NRG1: variants seen among roughly 807,000 people sequenced by gnomAD.
NRG1 encodes the protein neuregulin 1.
Under a neutral mutation model 63.8 loss-of-function variants are expected in NRG1, and 18 were observed. That is an observed-to-expected ratio of 0.28 (90% CI 0.19 to 0.42). The LOEUF (loss-of-function observed/expected upper bound fraction) is 0.42, where lower values mean the gene tolerates loss of function less well. Among genes scored for constraint, NRG1 ranks in the 10% least tolerant of loss-of-function variants. The pLI, the probability that NRG1 is intolerant of heterozygous loss-of-function variation, is 1.00. For synonymous variants in NRG1, 302 were observed against 301.3 expected (o/e 1.00, Z -0.02); for missense variants, 762 against 814.7 (o/e 0.94, Z 0.79).
chr8:31,972,788 A>T (rs1387201038), intron 1 of NRG1, among the ~76,000 whole-genome samples: 2 of 152,198 alleles, frequency 1.3e-5, no homozygotes, highest in Non-Finnish European at 2.9e-5. Context: ...CTGCCATAAC[A>T]GTGTGATTCT....
At chr8:31,868,304 A>C (rs957123134) in intron 1 of NRG1, among the ~76,000 whole-genome samples, 3 of 152,110 alleles carry the variant, frequency 2.0e-5, no homozygotes, top group Admixed American at 1.3e-4. Context: ...AAGAGACATG[A>C]AGTCAATGAA....
chr8:32,155,169 GA>G (rs74723634), intron 1 of NRG1, among the ~76,000 whole-genome samples: 3 of 149,990 alleles, frequency 2.0e-5, no homozygotes, highest in African/African-American at 4.9e-5. Flanking sequence ...GCACTGGAGT[GA>G]AAAAAAAATG....
intron 5 of NRG1, among the ~76,000 whole-genome samples, chr8:32,641,956 G>A (rs1234703697): frequency 6.6e-6 from 1 of 152,138 alleles, no homozygotes; most frequent in African/African-American, 2.4e-5. Flanking sequence ...ATTTAGCTGG[G>A]GAGAGAGGAA....
In NRG1 at chr8:32,762,059, A is replaced by AAAAAACAAAC. The variant is rs1162893361; in HGVS notation, c.1259+1654_1259+1655insAAAACAAACA. Among the ~76,000 whole-genome samples the AAAAAACAAAC allele has an allele frequency of 1.6e-4, 24 of 148,260 alleles. 1 individual carries two copies. The highest frequency in any genetic ancestry group is 6.3e-4 in the African/African-American group (24 of 38,384). On this transcript the variant is annotated intron_variant, in intron 11 of 11. Coordinates refer to ENST00000356819, the Ensembl canonical transcript of NRG1. ...GCCTCAAAAAAAAAAAAAAAAAAAA[A>AAAAAACAAAC]ACATTCTGGACTTGCAAGCCTGTTG...
chr8:32,225,118 C>T (rs1051589349), intron 1 of NRG1, among the ~76,000 whole-genome samples: 32 of 152,248 alleles, frequency 2.1e-4, no homozygotes, highest in African/African-American at 5.5e-4. Flanking sequence ...CTGTGACCCA[C>T]GGGAGCATTG....
intron 1 of NRG1, among the ~76,000 whole-genome samples, chr8:32,380,855 G>A (rs1285893486): frequency 6.6e-6 from 1 of 152,186 alleles, no homozygotes; most frequent in Non-Finnish European, 1.5e-5. Flanking sequence ...TAAAGATAAA[G>A]TCAGTGTACT....
chr8:32,003,767 A>AC (rs1813312728), intron 1 of NRG1, among the ~76,000 whole-genome samples: 1 of 151,874 alleles, frequency 6.6e-6, no homozygotes, highest in Non-Finnish European at 1.5e-5. Context: ...ATTATTGCAA[A>AC]TTTTAGGACA....
At chr8:32,747,149 G>C (rs1189393533) in intron 7 of NRG1, among the ~76,000 whole-genome samples, 1 of 152,064 alleles carries the variant, frequency 6.6e-6, no homozygotes, top group Non-Finnish European at 1.5e-5. Context: ...TAATATGTAT[G>C]CATGGGCATG....
intron 1 of NRG1, chr8:32,220,812 C>T (rs924713666): frequency 2.6e-5 from 4 of 152,226 alleles, no homozygotes; most frequent in Non-Finnish European, 4.4e-5. Flanking sequence ...GGTGATGTCA[C>T]TGCTGCTAGC....
At chr8:32,662,647 G>A (rs1198781022) in intron 5 of NRG1, among the ~76,000 whole-genome samples, 3 of 152,128 alleles carry the variant, frequency 2.0e-5, no homozygotes. Context: ...AGTTGTAGGA[G>A]GGAATGTAAA....
At chr8:32,189,011 C>CCTCCAAAAAGTAATGCAACCCTG (rs1487781399) in intron 1 of NRG1, among the ~76,000 whole-genome samples, 1 of 151,954 alleles carries the variant, frequency 6.6e-6, no homozygotes. Context: ...GTCCCTAGAA[C>CCTCCAAAAAGTAATGCAACCCTG]CTCCAAAAAG....
chr8:32,521,619 A>G (rs1468409351), intron 1 of NRG1, among the ~76,000 whole-genome samples: 1 of 152,214 alleles, frequency 6.6e-6, no homozygotes, highest in Non-Finnish European at 1.5e-5. Flanking sequence ...AGTAAACTTA[A>G]TTTTTTAATA....
rs116042617 is a variant in NRG1, at chr8:31,653,312, A to C, written c.37+13881A>C. On this transcript the variant is annotated intron_variant, in intron 1 of 10. Coordinates refer to the NRG1 transcript ENST00000519301. ...GTCTTTTTAGAACATTGCCTTCCTC[A>C]TGGAAGATGTATTAGTTAGGGTAGG... Among the ~76,000 whole-genome samples, 1,023 of 152,096 alleles carry C rather than the reference A, an allele frequency of 6.7e-3. 10 individuals carry two copies. Among genetic ancestry groups the C allele is most frequent in the African/African-American group, 0.024 (976 of 41,488 alleles).
chr8:32,239,566 C>T (rs1466238073), intron 1 of NRG1, among the ~76,000 whole-genome samples: 1 of 151,970 alleles, frequency 6.6e-6, no homozygotes, highest in Non-Finnish European at 1.5e-5. Flanking sequence ...ACTGGGACCT[C>T]ATCAAAATTA....
chr8:31,668,149 GC>G (rs1453188996), intron 1 of NRG1, among the ~76,000 whole-genome samples: 4 of 152,164 alleles, frequency 2.6e-5, no homozygotes, highest in Non-Finnish European at 5.9e-5. Context: ...ACATTACGAA[GC>G]TACCAGATTT....
At chr8:32,480,927 C>A (rs1211426178) in intron 1 of NRG1, among the ~76,000 whole-genome samples, 1 of 152,138 alleles carries the variant, frequency 6.6e-6, no homozygotes, top group Non-Finnish European at 1.5e-5. Flanking sequence ...TCCAACACTG[C>A]GGGTTACATT....
rs181337138 is a variant in NRG1 at position 31,865,808 on chromosome 8, A to G, written c.37+226377A>G. On this transcript the variant is annotated intron_variant, in intron 1 of 10. Coordinates refer to the NRG1 transcript ENST00000519301. Reference sequence around the variant, plus strand: ...CATAGTAGCATGAGAGCAGACTAATACACCATCTGTAAGAAACTTGGAAAA... The same window carrying G: ...CATAGTAGCATGAGAGCAGACTAATGCACCATCTGTAAGAAACTTGGAAAA... Among the ~76,000 whole-genome samples, 10 of 152,320 alleles carry G rather than the reference A, an allele frequency of 6.6e-5. No homozygotes were observed. In the East Asian group the frequency reaches 1.9e-3, roughly 29 times the overall value.
At chr8:32,464,514 T>C (rs1683035645) in intron 1 of NRG1, among the ~76,000 whole-genome samples, 1 of 152,146 alleles carries the variant, frequency 6.6e-6, no homozygotes, top group South Asian at 2.1e-4. Flanking sequence ...ACAGAGATGT[T>C]AATGCTCCTG....
In NRG1 at chr8:32,587,550, A is replaced by G. The variant is rs1841833925; in HGVS notation, c.101-8278A>G. Among the ~76,000 whole-genome samples, 4 of 152,334 alleles carry G rather than the reference A, an allele frequency of 2.6e-5. No homozygotes were observed. In the South Asian group the frequency reaches 6.2e-4, roughly 24 times the overall value. ...GCATGCAGAACACAAACAATGTCAC[A>G]GGGCCTCACGATTCCAAATAATAAA... On this transcript the variant is annotated intron_variant, in intron 1 of 11. Coordinates refer to ENST00000356819, the Ensembl canonical transcript of NRG1.
Sources: allele counts gnomAD v4.1 joint callset (sites outside exome capture counted in the v4.1 genomes callset), GRCh38; gene constraint gnomAD v4.1.1; transcripts MANE v1.5; gene names NCBI Gene and HGNC (gene_info 2026-07-23, HGNC 2026-07-21).